CDC42BPB: variants seen among roughly 807,000 people sequenced by gnomAD.
CDC42BPB encodes the protein serine/threonine-protein kinase MRCK beta.
In CDC42BPB, 37 loss-of-function variants were observed where a neutral mutation model predicts 214.9. The ratio of observed to expected loss-of-function variants is 0.17; its 90% CI spans 0.13 to 0.23. The LOEUF is 0.23. CDC42BPB is among the 10% of genes least tolerant of loss of function. CDC42BPB has a pLI of 1.00. For synonymous variants in CDC42BPB, 931 were observed against 884.0 expected (o/e 1.05, Z -0.94); for missense variants, 1,694 against 2,227.0 (o/e 0.76, Z 4.82).
At chr14:103,008,352 T>C (rs1467485832) in intron 3 of CDC42BPB, 120 bp downstream of exon 3, 1 of 708,128 alleles carries the variant, frequency 1.4e-6, no homozygotes, top group Non-Finnish European at 2.6e-6. Flanking sequence ...GCTCGCTCTG[T>C]CCGGGGGGCA....
chr14:103,050,614 A>C (rs745868248), intron 1 of CDC42BPB, among the ~76,000 whole-genome samples: 3 of 146,132 alleles, frequency 2.1e-5, no homozygotes, highest in Admixed American at 6.9e-5. Flanking sequence ...AAAATTAGCC[A>C]GGTGTAGCGG....
At chr14:103,039,825 C>T (rs1199158452) in intron 1 of CDC42BPB, among the ~76,000 whole-genome samples, 9 of 152,034 alleles carry the variant, frequency 5.9e-5, no homozygotes, top group African/African-American at 2.2e-4. Context: ...AGAAGCAGAA[C>T]TATCTGTACT....
At chr14:102,938,516 G>C (rs1183903171) in intron 34 of CDC42BPB, 105 bp from the exon 35 acceptor site, 7 of 1,451,920 alleles carry the variant, frequency 4.8e-6, no homozygotes, top group East Asian at 4.9e-5. Context: ...ACCTTGATGA[G>C]CAAAATGGGG....
chr14:103,055,710 G>A (rs1432737133), intron 1 of CDC42BPB, among the ~76,000 whole-genome samples: 1 of 152,212 alleles, frequency 6.6e-6, no homozygotes, highest in African/African-American at 2.4e-5. Flanking sequence ...TCCAACAGAA[G>A]CCCTCTAAAG....
At chr14:102,994,493 A>T (rs1894636992) in intron 5 of CDC42BPB, among the ~76,000 whole-genome samples, 1 of 152,168 alleles carries the variant, frequency 6.6e-6, no homozygotes, top group Non-Finnish European at 1.5e-5. Flanking sequence ...AGATGGGCAG[A>T]TGCCCAGGCC....
rs1156595102 is a variant in CDC42BPB, at chr14:102,933,802, G to A, written c.5046C>T (p.Ser1682=). The stretch of plus-strand genomic sequence containing the variant: ...GGCTCGGTGGGCCGCTGGGGTTGGA[G>A]CTATTCGATGGAGTTGAGTGTTTGG... ...DSTKHSTPSN[S]SNPSGPPSPN... Residue 1682 remains serine, a synonymous_variant, in exon 37 of 37, where the codon AGC becomes AGT. Coordinates refer to ENST00000361246, the MANE Select transcript of CDC42BPB (RefSeq NM_006035.4). The A allele has an allele frequency of 6.6e-7, 1 of 1,513,416 alleles. No individual in the cohort carries two copies. Among genetic ancestry groups the A allele is most frequent in the Non-Finnish European group, 8.8e-7 (1 of 1,140,742 alleles). The allele number at this position is 1,513,416 out of a possible 1,614,324, so 93.7% of individuals were successfully genotyped here. A position where few individuals can be genotyped will look rare whatever the true frequency, so the allele number is the denominator to read the frequency against.
At chr14:102,981,786 A>G (rs1360484191) in intron 7 of CDC42BPB, among the ~76,000 whole-genome samples, 1 of 152,208 alleles carries the variant, frequency 6.6e-6, no homozygotes, top group Non-Finnish European at 1.5e-5. Context: ...TCAAAACAAA[A>G]AAGATGGGGC....
chr14:103,054,840 G>A (rs1022293213), intron 1 of CDC42BPB, among the ~76,000 whole-genome samples: 1 of 152,214 alleles, frequency 6.6e-6, no homozygotes, highest in Non-Finnish European at 1.5e-5. Context: ...GTTTAGATTT[G>A]GAAAGGCCAG....
chr14:103,027,573 A>G (rs1247114686), intron 1 of CDC42BPB, among the ~76,000 whole-genome samples: 2 of 152,226 alleles, frequency 1.3e-5, no homozygotes, highest in Admixed American at 6.5e-5. Flanking sequence ...TACAACATGG[A>G]TGAACCTTGA....
At chr14:102,945,410 C>T (rs1055614637) in intron 29 of CDC42BPB, 1 of 548,676 alleles carries the variant, frequency 1.8e-6, no homozygotes, top group Non-Finnish European at 3.4e-6. Context: ...GCTGTTCCTC[C>T]TCCCAGGGGG....
chr14:102,952,638 CATGGACTCTTGAGAGTCAG>C (rs1390372729), intron 23 of CDC42BPB, 35 bp from the exon 24 acceptor site: 1 of 1,598,150 alleles, frequency 6.3e-7, no homozygotes, highest in Non-Finnish European at 8.6e-7. Context: ...TGAGGTGAAC[CATGGACTCTTGAGAGTCAG>C]ATCCATCTGC....
In CDC42BPB at chr14:102,954,654, G is replaced by C; in HGVS notation, c.2936C>G (p.Pro979Arg). 2.5e-6 allele frequency: 4 copies of C among 1,613,944 alleles called. No homozygotes were observed. Among genetic ancestry groups the C allele is most frequent in the Non-Finnish European group, 2.5e-6 (3 of 1,179,936 alleles). ...CATCGACGGGGACGCTTCTGGCTTC[G>C]GAGCTTGTGTTTCTTGCTCACTAGC... is the stretch of plus-strand genomic sequence containing the variant. ...SSASEQETQAPKPEASPSMSV... is the reference protein window; with the variant it reads ...SSASEQETQARKPEASPSMSV... The change falls in exon 22 of 37, where the codon CCG becomes CGG. Residue 979 changes from proline to arginine, a missense_variant. Pro to Arg is a moderately radical substitution (Grantham distance 103). Transcript: ENST00000361246.
Position 102,944,348 on chromosome 14 carries a change from G to A in CDC42BPB, c.3951C>T (p.Ser1317=). The change falls in exon 30 of 37, where the codon AGC becomes AGT. Residue 1317 remains serine (S), a synonymous_variant. Coordinates refer to ENST00000361246, the MANE Select transcript of CDC42BPB (RefSeq NM_006035.4). This position sits in a 1 kb window ranked among gnomAD's most constrained non-coding sequence, Gnocchi z 6.6. ...PWSSLDGAEG[S]FDIKLPETKG... ...TGGTTTCCGGAAGCTTGATGTCAAAGCTGCCTTCCGCTCCATCAAGGGACG... is the reference window on the plus strand; with the variant it reads ...TGGTTTCCGGAAGCTTGATGTCAAAACTGCCTTCCGCTCCATCAAGGGACG... 6.2e-7 allele frequency: 1 copy of A among 1,613,184 alleles called. No individual in the cohort carries two copies. Among genetic ancestry groups the A allele is most frequent in the Non-Finnish European group, 8.5e-7 (1 of 1,180,012 alleles).
chr14:103,023,231 G>A (rs897642612), intron 1 of CDC42BPB, among the ~76,000 whole-genome samples: 4 of 150,018 alleles, frequency 2.7e-5, no homozygotes, highest in African/African-American at 9.8e-5. Context: ...GCACTGGCGC[G>A]ATCTCGGCTC....
At chr14:103,042,903 C>T (rs1289295452) in intron 1 of CDC42BPB, among the ~76,000 whole-genome samples, 1 of 152,122 alleles carries the variant, frequency 6.6e-6, no homozygotes, top group African/African-American at 2.4e-5. Context: ...CTTCACACGA[C>T]CCAGCAATTC....
intron 8 of CDC42BPB, among the ~76,000 whole-genome samples, chr14:102,979,598 C>T (rs1339333108): frequency 6.6e-6 from 1 of 152,134 alleles, no homozygotes; most frequent in African/African-American, 2.4e-5. Flanking sequence ...TAGGAGTTTC[C>T]CCAGGTTCAT....
At chr14:103,025,843 A>G (rs1486122544) in intron 1 of CDC42BPB, among the ~76,000 whole-genome samples, 2 of 151,962 alleles carry the variant, frequency 1.3e-5, no homozygotes, top group African/African-American at 4.8e-5. Context: ...TGTCATACAC[A>G]ACACTGATGA....
chr14:102,968,769 C>CA, intron 14 of CDC42BPB, 53 bp from the exon 15 acceptor site: 1 of 1,598,044 alleles, frequency 6.3e-7, no homozygotes, highest in Non-Finnish European at 8.5e-7. Context: ...TCAAGGGTCA[C>CA]ACTGTCCTTT....
chr14:102,947,370 C>G (rs1210342484), intron 27 of CDC42BPB, among the ~76,000 whole-genome samples: 1 of 152,208 alleles, frequency 6.6e-6, no homozygotes, highest in Non-Finnish European at 1.5e-5. Context: ...CTGGGGGGCA[C>G]TGGAGAGGCA....
Sources: allele counts gnomAD v4.1 joint callset (sites outside exome capture counted in the v4.1 genomes callset), GRCh38; gene constraint gnomAD v4.1.1; non-coding constraint Gnocchi (gnomAD v3.1); transcripts MANE v1.5; gene names NCBI Gene and HGNC (gene_info 2026-07-23, HGNC 2026-07-21).